The following MINDY4 variants were observed in gnomAD, a reference collection of about 807,000 sequenced individuals.
MINDY4 encodes the protein probable ubiquitin carboxyl-terminal hydrolase MINDY-4.
In MINDY4, 68 loss-of-function variants were observed where a neutral mutation model predicts 87.0. The ratio of observed to expected loss-of-function variants is 0.78; its 90% confidence interval spans 0.64 to 0.96. The LOEUF (loss-of-function observed/expected upper bound fraction) is 0.96, where lower values mean the gene tolerates loss of function less well. Ranked by LOEUF, MINDY4 falls within the 40% of genes least tolerant of loss-of-function variation. MINDY4 has a pLI of 0.00. For missense variants in MINDY4, 919 were observed against 928.2 expected (o/e 0.99, Z 0.13); for synonymous variants, 379 against 363.2 (o/e 1.04, Z -0.50).
chr7:30,776,348 G>T (rs1171452565), intron 1 of MINDY4, among the ~76,000 whole-genome samples: 2 of 152,230 alleles, frequency 1.3e-5, no homozygotes, highest in Middle Eastern at 3.4e-3. Flanking sequence ...TTCCTTGCCT[G>T]GAACACTTTT....
intron 9 of MINDY4, among the ~76,000 whole-genome samples, chr7:30,844,987 A>C (rs1018223652): frequency 6.6e-6 from 1 of 152,226 alleles, no homozygotes; most frequent in African/African-American, 2.4e-5. Flanking sequence ...ACTGAGGCCC[A>C]GAGAGGGAAA....
intron 6 of MINDY4, 122 bp downstream of exon 6, chr7:30,828,859 T>C (rs12667273): frequency 0.31 from 261,293 of 835,340 alleles, 48,348 homozygotes; most frequent in African/African-American, 0.63. Flanking sequence ...CGAGTGGGGC[T>C]GGTCAAGTGA....
In MINDY4 at chr7:30,852,239, G is replaced by T. The variant is rs1158681440; in HGVS notation, c.1571G>T (p.Ser524Ile). ...AGGGCTTCGAGAACACAGCAGTTCA[G>T]TCCAACAGGGAAATACAAAGCAGAT... is the stretch of plus-strand genomic sequence containing the variant. Reference protein sequence around the residue: ...VALASRTQQFSPTGKYKADGV... With the variant: ...VALASRTQQFIPTGKYKADGV... Residue 524 changes from serine to isoleucine, a missense_variant, in exon 11 of 18, where the codon AGT becomes ATT. By Grantham distance (142) the Ser-to-Ile change is moderately radical. Transcript: ENST00000265299. 6.2e-7 allele frequency: 1 copy of T among 1,614,194 alleles called. No homozygotes were observed.
rs1789678690 is a variant in MINDY4, at chr7:30,859,307, G to A, written c.1728G>A (p.Leu576=). ...TCCTGCTCACCCTTTCTGCCATCCT[G>A]TCCAGGTCTACAGAGCTGTGAGTAT... The part of the protein sequence containing the change: ...GCILLTLSAI[L]SRSTELIRQD... The change falls in exon 13 of 18, where the codon CTG becomes CTA. Residue 576 remains leucine (L), a synonymous_variant. Transcript: ENST00000265299. 1 of 1,614,180 alleles carries A rather than the reference G, an allele frequency of 6.2e-7. No homozygotes were observed. The highest frequency in any genetic ancestry group is 8.5e-7 in the Non-Finnish European group (1 of 1,180,032).
intron 3 of MINDY4, among the ~76,000 whole-genome samples, chr7:30,784,396 G>A (rs1192526824): frequency 1.3e-5 from 2 of 152,126 alleles, no homozygotes; most frequent in Admixed American, 6.5e-5. Context: ...GCCCACCGGC[G>A]AGGGCCTCAG....
intron 5 of MINDY4, among the ~76,000 whole-genome samples, chr7:30,801,592 A>G (rs1381248827): frequency 6.6e-6 from 1 of 151,940 alleles, no homozygotes; most frequent in East Asian, 1.9e-4. Context: ...TCTCCTTCTG[A>G]TTGCTGGCCT....
intron 5 of MINDY4, among the ~76,000 whole-genome samples, chr7:30,814,317 A>G (rs1438909827): frequency 6.6e-6 from 1 of 152,214 alleles, no homozygotes. Context: ...CTGACCAAGT[A>G]AGGACATTGA....
intron 7 of MINDY4, 59 bp downstream of exon 7, chr7:30,836,823 G>C: frequency 1.6e-6 from 2 of 1,280,202 alleles, no homozygotes; most frequent in Non-Finnish European, 2.2e-6. Flanking sequence ...TATAGATGGC[G>C]TGATTTTGGT....
At chr7:30,831,701 A>G (rs1788707352) in intron 6 of MINDY4, among the ~76,000 whole-genome samples, 1 of 152,170 alleles carries the variant, frequency 6.6e-6, no homozygotes, top group Admixed American at 6.5e-5. Context: ...TGTGGTCAGT[A>G]GGAAATTCTG....
intron 1 of MINDY4, among the ~76,000 whole-genome samples, chr7:30,775,487 C>T (rs1212106228): frequency 6.6e-6 from 1 of 152,216 alleles, no homozygotes; most frequent in Non-Finnish European, 1.5e-5. Flanking sequence ...CCAGCACCAA[C>T]CTGGGAACTG....
intron 9 of MINDY4, among the ~76,000 whole-genome samples, chr7:30,848,682 G>A (rs1789303634): frequency 6.6e-6 from 1 of 152,210 alleles, no homozygotes; most frequent in Non-Finnish European, 1.5e-5. Flanking sequence ...CCGGTTCGGT[G>A]AATGCTTGGT....
At chr7:30,831,149 A>C (rs1416700319) in intron 6 of MINDY4, among the ~76,000 whole-genome samples, 1 of 152,198 alleles carries the variant, frequency 6.6e-6, no homozygotes. Context: ...AGAGGTAATG[A>C]GACCCCTCTT....
intron 5 of MINDY4, among the ~76,000 whole-genome samples, chr7:30,814,986 AC>A (rs1788105970): frequency 6.6e-6 from 1 of 152,174 alleles, no homozygotes; most frequent in African/African-American, 2.4e-5. Context: ...GACATATTTA[AC>A]CAAACAGAGC....
In MINDY4 at chr7:30,853,407, G is replaced by A. The variant is rs984044186; in HGVS notation, c.1625G>A (p.Ser542Asn). Residue 542 changes from serine (S) to asparagine (N), a missense_variant, in exon 12 of 18, where the codon AGT becomes AAT. By Grantham distance (46) the Ser-to-Asn change is conservative (BLOSUM62 1). Coordinates refer to ENST00000265299, the MANE Select transcript of MINDY4 (RefSeq NM_032222.3). ...GTGTCTTCTCAGCTTACGCTTCACA[G>A]TTTGACCTGCTATGAGGACCTGGTG... ...DGVLETLTLH[S>N]LTCYEDLVTF... 1 of 1,613,594 alleles carries A rather than the reference G, an allele frequency of 6.2e-7. No homozygotes were observed. Among genetic ancestry groups the A allele is most frequent in the African/African-American group, 1.3e-5 (1 of 74,940 alleles).
rs370010726 is a variant in MINDY4, at chr7:30,864,358, T to C, written c.1745+5034T>C. Among the ~76,000 whole-genome samples the C allele has an allele frequency of 2.0e-4, 31 of 152,238 alleles. No individual in the cohort carries two copies. In the South Asian group the frequency reaches 6.0e-3, roughly 30 times the overall value. On this transcript the variant is annotated intron_variant, in intron 13 of 17. Coordinates refer to ENST00000265299, the MANE Select transcript of MINDY4 (RefSeq NM_032222.3). ...TCCTGAAACAAAAGCCAACTGTGAG[T>C]GTTGGTTGGAAAGACAGTGACAGAA...
chr7:30,891,823 G>A lies in MINDY4; in HGVS notation c.2226-134G>A, dbSNP rs1790801151. The stretch of plus-strand genomic sequence containing the variant: ...GGTTTGTGTGAATTTGGAGGGGTGA[G>A]ATGAGCAGGATGGAAACCGAACTAT... On this transcript the variant is annotated intron_variant, in intron 17 of 17. Coordinates refer to ENST00000265299, the MANE Select transcript of MINDY4 (RefSeq NM_032222.3). The A allele has an allele frequency of 1.6e-5, 13 of 834,132 alleles. No homozygotes were observed. In the South Asian group the frequency reaches 1.6e-4, roughly 10 times the overall value. The allele number at this position is 834,132 out of a possible 1,614,324, so 51.7% of individuals were successfully genotyped here. A position where few individuals can be genotyped will look rare whatever the true frequency, so the allele number is the denominator to read the frequency against.
intron 3 of MINDY4, among the ~76,000 whole-genome samples, chr7:30,784,702 C>G (rs28540148): frequency 0.2 from 30,800 of 152,166 alleles, 3,414 homozygotes; most frequent in Middle Eastern, 0.29. Context: ...CTCTCAGACT[C>G]AGGTGCTGCC....
intron 14 of MINDY4, 92 bp from the exon 15 acceptor site, chr7:30,875,403 C>T (rs991879678): frequency 8.6e-6 from 12 of 1,400,358 alleles, no homozygotes; most frequent in Admixed American, 1.7e-5. Context: ...TTCCTTCCTT[C>T]TCCACCCTTT....
At chr7:30,778,397 AG>A (rs1786893833) in intron 1 of MINDY4, 34 bp from the exon 2 acceptor site, 1 of 1,613,726 alleles carries the variant, frequency 6.2e-7, no homozygotes, top group Non-Finnish European at 8.5e-7. Flanking sequence ...TTTTGATTTA[AG>A]ATGGTAAACA....
Sources: allele counts gnomAD v4.1 joint callset (sites outside exome capture counted in the v4.1 genomes callset), GRCh38; gene constraint gnomAD v4.1.1; transcripts MANE v1.5; gene names NCBI Gene and HGNC (gene_info 2026-07-23, HGNC 2026-07-21).